Variants in SUMF1 observed in about 807,000 individuals in gnomAD.
SUMF1 encodes the protein formylglycine-generating enzyme.
Under a neutral mutation model 47.6 loss-of-function variants are expected in SUMF1, and 48 were observed. That is an observed-to-expected ratio of 1.01 (90% confidence interval 0.80 to 1.28). SUMF1 has a LOEUF of 1.28. Among genes scored for constraint, SUMF1 ranks in the 50% most tolerant of loss-of-function variants. The pLI is 0.00. For missense variants in SUMF1, 571 were observed against 485.4 expected (o/e 1.18, Z -1.66); for synonymous variants, 230 against 192.1 (o/e 1.20, Z -1.63).
intron 8 of SUMF1, among the ~76,000 whole-genome samples, chr3:4,178,720 G>A (rs1468645088): frequency 6.6e-6 from 1 of 152,098 alleles, no homozygotes; most frequent in Admixed American, 6.5e-5. Flanking sequence ...GAAATAAAGG[G>A]TATTCAATTA....
At chr3:4,034,957 A>G (rs141591531) in intron 9 of SUMF1, among the ~76,000 whole-genome samples, 2 of 151,796 alleles carry the variant, frequency 1.3e-5, no homozygotes, top group East Asian at 3.9e-4. Flanking sequence ...AAGCAGAAGG[A>G]AGGTCCAGAC....
rs1697812519 is a variant in SUMF1 at position 4,294,760 on chromosome 3, G to A, written c.1014+81570C>T. Among the ~76,000 whole-genome samples the A allele has an allele frequency of 2.6e-5, 4 of 151,880 alleles. No individual in the cohort carries two copies. In the South Asian group the frequency reaches 8.3e-4, roughly 32 times the overall value. On this transcript the variant is annotated intron_variant and NMD_transcript_variant, in intron 8 of 12. Coordinates refer to the SUMF1 transcript ENST00000448413. The stretch of plus-strand genomic sequence containing the variant: ...TTTTTTCACTCCCGAGAATACTGGA[G>A]TTCTAAAAAAAAACATGACATGGAA...
Position 4,139,990 on chromosome 3 carries a change from G to T in SUMF1, c.1015-71245C>A, listed in dbSNP as rs536200459. Among the ~76,000 whole-genome samples, 9 of 152,006 alleles carry T rather than the reference G, an allele frequency of 5.9e-5. No individual in the cohort carries two copies. In the South Asian group the frequency reaches 1.0e-3, roughly 18 times the overall value. On this transcript the variant is annotated intron_variant and NMD_transcript_variant, in intron 8 of 12. Coordinates refer to the SUMF1 transcript ENST00000448413. The stretch of plus-strand genomic sequence containing the variant: ...CCAAAGGACCACACATCCTTTGCAG[G>T]AACTCAAAATAAGGAGATTATAAAT...
intron 3 of SUMF1, among the ~76,000 whole-genome samples, chr3:4,432,815 T>A (rs1248475624): frequency 6.6e-6 from 1 of 152,230 alleles, no homozygotes; most frequent in Non-Finnish European, 1.5e-5. Flanking sequence ...TTATCTGTTG[T>A]ATCTATGGCA....
At chr3:4,270,409 T>C (rs902018734) in intron 8 of SUMF1, among the ~76,000 whole-genome samples, 5 of 149,022 alleles carry the variant, frequency 3.4e-5, no homozygotes, top group African/African-American at 4.9e-5. Context: ...CTCTCTCTCT[T>C]TCTCTCTCTC....
intron 7 of SUMF1, among the ~76,000 whole-genome samples, chr3:4,393,975 T>TG: frequency 6.6e-6 from 1 of 152,136 alleles, no homozygotes; most frequent in Non-Finnish European, 1.5e-5. Context: ...TTTCTTAGGA[T>TG]CCTGATTCTC....
chr3:4,228,685 C>G (rs759406730), intron 8 of SUMF1, among the ~76,000 whole-genome samples: 3 of 152,098 alleles, frequency 2.0e-5, no homozygotes, highest in African/African-American at 7.2e-5. Context: ...TTTCCTCCAG[C>G]TTTCCAAGGT....
chr3:4,259,244 C>T (rs1371519278), intron 8 of SUMF1, among the ~76,000 whole-genome samples: 2 of 151,468 alleles, frequency 1.3e-5, no homozygotes, highest in African/African-American at 4.9e-5. Flanking sequence ...GCACATGTAC[C>T]CTAAAACTTA....
chr3:4,153,734 T>C (rs1255652697), intron 8 of SUMF1, among the ~76,000 whole-genome samples: 1 of 151,646 alleles, frequency 6.6e-6, no homozygotes, highest in African/African-American at 2.4e-5. Flanking sequence ...TTTGTATAGT[T>C]ATTGTAAAAC....
intron 8 of SUMF1, among the ~76,000 whole-genome samples, chr3:4,073,360 G>A (rs1256365842): frequency 6.6e-6 from 1 of 152,082 alleles, no homozygotes. Flanking sequence ...AGGAATAACT[G>A]GTACCAGCCA....
At chr3:4,104,460 C>T (rs1693110552) in intron 8 of SUMF1, among the ~76,000 whole-genome samples, 1 of 152,046 alleles carries the variant, frequency 6.6e-6, no homozygotes, top group Non-Finnish European at 1.5e-5. Flanking sequence ...CTCCGTGCCC[C>T]AACAGGTGAT....
chr3:4,457,338 T>C (rs995080968), intron 1 of SUMF1, among the ~76,000 whole-genome samples: 1 of 152,048 alleles, frequency 6.6e-6, no homozygotes, highest in African/African-American at 2.4e-5. Context: ...ATGTAATTCC[T>C]ATCAAATGTA....
rs191629329 is a variant in SUMF1 at position 4,265,631 on chromosome 3, C to G, written c.1014+110699G>C. On this transcript the variant is annotated intron_variant and NMD_transcript_variant, in intron 8 of 12. Transcript: ENST00000448413. ...CTCATTGTAGATTCTGGATATTAGC[C>G]CTTTGTCAGATGAGTAGGTTGCGAA... Among the ~76,000 whole-genome samples, 139 of 152,090 alleles carry G rather than the reference C, an allele frequency of 9.1e-4. 1 individual carries two copies. The highest frequency in any genetic ancestry group is 5.3e-3 in the Admixed American group (81 of 15,260).
intron 3 of SUMF1, among the ~76,000 whole-genome samples, chr3:4,425,227 A>G (rs1200382259): frequency 6.6e-6 from 1 of 152,184 alleles, no homozygotes; most frequent in Non-Finnish European, 1.5e-5. Context: ...TTTACAAGCT[A>G]CAAGATCTTC....
intron 3 of SUMF1, among the ~76,000 whole-genome samples, chr3:4,433,915 A>G (rs1016350678): frequency 6.6e-6 from 1 of 152,280 alleles, no homozygotes; most frequent in Admixed American, 6.5e-5. Context: ...TGACAGGTCA[A>G]GAGATATGTC....
At chr3:4,448,815 G>A (rs1702870955) in intron 3 of SUMF1, among the ~76,000 whole-genome samples, 1 of 152,082 alleles carries the variant, frequency 6.6e-6, no homozygotes, top group African/African-American at 2.4e-5. Context: ...CAGAACAAAG[G>A]GCTCCTTTCT....
chr3:4,442,283 T>G, intron 3 of SUMF1, among the ~76,000 whole-genome samples: 1 of 143,554 alleles, frequency 7.0e-6, no homozygotes, highest in African/African-American at 2.6e-5. Flanking sequence ...TGAGACGGAG[T>G]CTCGCTCTGT....
intron 6 of SUMF1, among the ~76,000 whole-genome samples, chr3:4,416,878 A>G (rs1701731516): frequency 6.6e-6 from 1 of 152,262 alleles, no homozygotes; most frequent in South Asian, 2.1e-4. Context: ...AGGACAGTTT[A>G]GCTTTCTCCT....
intron 8 of SUMF1, among the ~76,000 whole-genome samples, chr3:4,367,085 C>T (rs1427569585): frequency 1.3e-5 from 2 of 152,018 alleles, no homozygotes; most frequent in Admixed American, 6.6e-5. Flanking sequence ...GAAGTTTTGT[C>T]TCAGAGGAGT....
Sources: allele counts gnomAD v4.1 joint callset (sites outside exome capture counted in the v4.1 genomes callset), GRCh38; gene constraint gnomAD v4.1.1; transcripts MANE v1.5; gene names NCBI Gene and HGNC (gene_info 2026-07-23, HGNC 2026-07-21).